COL28A1: variants seen among roughly 807,000 people sequenced by gnomAD.
COL28A1 encodes the protein collagen type XXVIII alpha 1 chain, also known as collagen alpha-1(XXVIII) chain.
COL28A1 carries 161 observed loss-of-function variants against 150.2 expected under a neutral mutation model. That is an observed-to-expected ratio of 1.07 (90% confidence interval 0.94 to 1.22). COL28A1 has a LOEUF of 1.22. COL28A1 is among the 50% of genes most tolerant of loss of function. The pLI, the probability that COL28A1 is intolerant of heterozygous loss-of-function variation, is 0.00. For synonymous variants in COL28A1, 552 were observed against 469.7 expected (o/e 1.18, Z -2.26); for missense variants, 1,617 against 1,388.3 (o/e 1.16, Z -2.62).
chr7:7,363,059 G>GA (rs919908794), intron 33 of COL28A1, among the ~76,000 whole-genome samples: 2 of 151,680 alleles, frequency 1.3e-5, no homozygotes, highest in East Asian at 1.9e-4. Flanking sequence ...AAACCTTCAG[G>GA]AAAAAAAGTA....
intron 27 of COL28A1, among the ~76,000 whole-genome samples, chr7:7,412,343 A>G (rs1783837792): frequency 6.6e-6 from 1 of 152,096 alleles, no homozygotes. Context: ...CACACATTGG[A>G]CGGTTATGTG....
At chr7:7,361,826 T>C (rs1312905182) in intron 33 of COL28A1, among the ~76,000 whole-genome samples, 1 of 134,154 alleles carries the variant, frequency 7.5e-6, no homozygotes, top group African/African-American at 2.7e-5. Flanking sequence ...ATGTGGCACA[T>C]ATACACCATG....
chr7:7,360,597 G>C, intron 33 of COL28A1, 69 bp from the exon 34 acceptor site: 1 of 1,440,046 alleles, frequency 6.9e-7, no homozygotes, highest in Admixed American at 2.2e-5. Context: ...TTTGCTTTTG[G>C]GAACATATAA....
In COL28A1 at chr7:7,408,743, T is replaced by C. The variant is rs182155261; in HGVS notation, c.2136+9116A>G. 3.8e-3 allele frequency among the ~76,000 whole-genome samples: 577 copies of C among 152,274 alleles called. 3 individuals are homozygous for C. Among genetic ancestry groups the C allele is most frequent in the Non-Finnish European group, 6.3e-3 (427 of 68,006 alleles). Reference sequence around the variant, plus strand: ...AAGAACTGTACTTAGGGAAAAAGAATTGCTCTTTATGTAATACTTCTATCT... The same window carrying C: ...AAGAACTGTACTTAGGGAAAAAGAACTGCTCTTTATGTAATACTTCTATCT... On this transcript the variant is annotated intron_variant, in intron 27 of 34. Transcript: ENST00000399429.
intron 11 of COL28A1, among the ~76,000 whole-genome samples, chr7:7,497,756 G>C (rs1407970651): frequency 6.6e-6 from 1 of 152,166 alleles, no homozygotes; most frequent in African/African-American, 2.4e-5. Flanking sequence ...TATCCAAGCT[G>C]ATGCACATGC....
At chr7:7,448,505 G>A (rs1442046229) in intron 18 of COL28A1, among the ~76,000 whole-genome samples, 2 of 151,672 alleles carry the variant, frequency 1.3e-5, no homozygotes, top group African/African-American at 4.8e-5. Flanking sequence ...CAATTTCTTG[G>A]AAAGCTAAAT....
At chr7:7,459,956 A>C (rs1787480025) in intron 15 of COL28A1, among the ~76,000 whole-genome samples, 1 of 152,210 alleles carries the variant, frequency 6.6e-6, no homozygotes, top group African/African-American at 2.4e-5. Flanking sequence ...ATACTGGCTA[A>C]AATGAGTGAC....
chr7:7,361,029 G>A (rs2128278172), intron 33 of COL28A1, among the ~76,000 whole-genome samples: 1 of 152,236 alleles, frequency 6.6e-6, no homozygotes, highest in Non-Finnish European at 1.5e-5. Flanking sequence ...TAGGGTAGCA[G>A]AAGACAATAA....
chr7:7,493,475 A>T (rs1252260828), intron 11 of COL28A1, among the ~76,000 whole-genome samples: 1 of 152,164 alleles, frequency 6.6e-6, no homozygotes, highest in Non-Finnish European at 1.5e-5. Flanking sequence ...GCAATATCTT[A>T]ATATTGCTTT....
rs1783475681 is a variant in COL28A1, at chr7:7,406,079, A to T, written c.2136+11780T>A. On this transcript the variant is annotated intron_variant, in intron 27 of 34. Transcript: ENST00000399429. ...AATTTGATCACAAAGGTATCAATTT[A>T]AAAAAATCAAATCCAGCTGTACCAA... Among the ~76,000 whole-genome samples, 2 of 152,144 alleles carry T rather than the reference A, an allele frequency of 1.3e-5. 1 individual carries two copies. The highest frequency in any genetic ancestry group is 4.1e-4 in the South Asian group (2 of 4,832).
intron 15 of COL28A1, among the ~76,000 whole-genome samples, chr7:7,464,094 G>A (rs1787857288): frequency 6.6e-6 from 1 of 152,172 alleles, no homozygotes; most frequent in South Asian, 2.1e-4. Flanking sequence ...AAAAGGCCTT[G>A]TCCAACAGGA....
the COL28A1 span, among the ~76,000 whole-genome samples, chr7:7,347,636 C>A: frequency 6.6e-6 from 1 of 151,984 alleles, no homozygotes; most frequent in African/African-American, 2.4e-5. Context: ...CAAAAGGGAG[C>A]CATTTCTGGG....
At chr7:7,346,922 G>A in the COL28A1 span, among the ~76,000 whole-genome samples, 3 of 151,968 alleles carry the variant, frequency 2.0e-5, no homozygotes, top group Non-Finnish European at 2.9e-5. Context: ...ATACTGGAAG[G>A]ATAAGTATTA....
At chr7:7,502,086 G>T (rs939572256) in intron 11 of COL28A1, among the ~76,000 whole-genome samples, 3 of 152,186 alleles carry the variant, frequency 2.0e-5, no homozygotes, top group African/African-American at 7.2e-5. Context: ...GTAGAGACGG[G>T]GTTTCACCAT....
downstream of COL28A1, among the ~76,000 whole-genome samples, chr7:7,356,044 G>C (rs1041124899): frequency 6.6e-6 from 1 of 152,128 alleles, no homozygotes; most frequent in Non-Finnish European, 1.5e-5. Flanking sequence ...GTGAGTTGTA[G>C]AGAATTACAA....
intron 34 of COL28A1, 51 bp downstream of exon 34, chr7:7,360,339 G>A (rs749177437): frequency 1.1e-5 from 16 of 1,476,212 alleles, no homozygotes; most frequent in Non-Finnish European, 1.3e-5. Context: ...CACCAAATCT[G>A]TGCACAAGAC....
chr7:7,462,060 G>A (rs112870157), intron 15 of COL28A1, among the ~76,000 whole-genome samples: 5,946 of 152,234 alleles, frequency 0.039, 426 homozygotes, highest in African/African-American at 0.14. Context: ...AGGACTCTGT[G>A]CAAACAGCCC....
chr7:7,400,510 C>G (rs1041598699), intron 27 of COL28A1, among the ~76,000 whole-genome samples: 9 of 152,108 alleles, frequency 5.9e-5, no homozygotes, highest in Non-Finnish European at 8.8e-5. Context: ...TGGCCAGGTG[C>G]CCTTCAGAAT....
intron 1 of COL28A1, among the ~76,000 whole-genome samples, chr7:7,535,223 C>T (rs1782580087): frequency 6.6e-6 from 1 of 152,080 alleles, no homozygotes; most frequent in Non-Finnish European, 1.5e-5. Flanking sequence ...CGTAGTTTTA[C>T]TTTTGGCCTA....
Sources: gnomAD v4.1 joint callset for allele counts (sites outside exome capture counted in the v4.1 genomes callset) on GRCh38, gnomAD v4.1.1 for gene constraint, MANE v1.5 for transcripts, NCBI Gene and HGNC (gene_info 2026-07-23, HGNC 2026-07-21) for gene names.